Variants in KIAA2012 observed in about 807,000 individuals in gnomAD.
KIAA2012 encodes the protein uncharacterized protein KIAA2012.
A neutral mutation model predicts 150.6 loss-of-function variants in KIAA2012; 125 were observed. The observed-to-expected ratio is 0.83, with a 90% CI of 0.72 to 0.96. The LOEUF (loss-of-function observed/expected upper bound fraction) is 0.96. KIAA2012 is among the 40% of genes least tolerant of loss of function. The pLI, the probability that KIAA2012 is intolerant of heterozygous loss-of-function variation, is 0.00. For missense variants in KIAA2012, 1,219 were observed against 1,354.9 expected (o/e 0.90, Z 1.57); for synonymous variants, 462 against 504.7 (o/e 0.92, Z 1.13).
intron 12 of KIAA2012, among the ~76,000 whole-genome samples, chr2:202,134,795 T>TC (rs1443094942): frequency 6.6e-6 from 1 of 152,188 alleles, no homozygotes; most frequent in Admixed American, 6.5e-5. Context: ...CCTCAAGTGA[T>TC]CCGCCCGCCT....
chr2:202,168,431 A>AG (rs1003178146), intron 15 of KIAA2012, among the ~76,000 whole-genome samples: 15 of 150,732 alleles, frequency 1.0e-4, no homozygotes, highest in Admixed American at 1.3e-4. Flanking sequence ...AAAAAAAAAA[A>AG]AAAGAAAGAA....
At chr2:202,174,677 G>A (rs1280424588) in intron 15 of KIAA2012, among the ~76,000 whole-genome samples, 1 of 152,228 alleles carries the variant, frequency 6.6e-6, no homozygotes, top group Non-Finnish European at 1.5e-5. Flanking sequence ...CTTGGCCAGT[G>A]TTGTTCACCT....
intron 14 of KIAA2012, among the ~76,000 whole-genome samples, chr2:202,161,123 G>A (rs987899462): frequency 5.3e-5 from 8 of 152,164 alleles, no homozygotes; most frequent in East Asian, 3.9e-4. Flanking sequence ...TGAGGCTCAG[G>A]GGTTAAGTAA....
chr2:202,156,729 CA>C (rs1371019279), intron 14 of KIAA2012, among the ~76,000 whole-genome samples: 4 of 152,052 alleles, frequency 2.6e-5, no homozygotes, highest in African/African-American at 4.8e-5. Flanking sequence ...ACTAAAAATA[CA>C]AAAAATTAGC....
intron 22 of KIAA2012, 48 bp downstream of exon 22, chr2:202,197,067 C>T: frequency 1.6e-5 from 25 of 1,549,446 alleles, no homozygotes; most frequent in Non-Finnish European, 2.2e-5. Flanking sequence ...GGTTCAAGGG[C>T]TTCACTGTCC....
rs556576356 is a variant in KIAA2012 at position 202,094,672 on chromosome 2, C to T, written c.685+1487C>T. Among the ~76,000 whole-genome samples the T allele has an allele frequency of 9.2e-5, 14 of 152,176 alleles. No homozygotes were observed. The South Asian group carries it at 2.9e-3, about 32-fold the overall frequency. On this transcript the variant is annotated intron_variant, in intron 4 of 23. Transcript: ENST00000498697. ...TAGCTGGAACTGTAGGAGCACACCACCACTCCCAGCTAATTTTTGTATTTT... is the reference window on the plus strand; with the variant it reads ...TAGCTGGAACTGTAGGAGCACACCATCACTCCCAGCTAATTTTTGTATTTT...
chr2:202,191,207 G>A (rs544732456), intron 19 of KIAA2012, among the ~76,000 whole-genome samples: 15 of 151,274 alleles, frequency 9.9e-5, no homozygotes, highest in Admixed American at 5.3e-4. Flanking sequence ...AACCTGGGAG[G>A]CAGAGGTTGC....
Position 202,097,499 on chromosome 2 carries a change from C to A in KIAA2012, c.750C>A (p.Ala250=), listed in dbSNP as rs1437887672. The change falls in exon 5 of 24, where the codon GCC becomes GCA. Residue 250 remains alanine, a synonymous_variant. Transcript: ENST00000498697. ...GACACGTGGACCAGGGCCCTCTAGC[C>A]AAGAACCATGGCAGTCAGGGGACTC... is the stretch of plus-strand genomic sequence containing the variant. ...AAGHVDQGPL[A]KNHGSQGTRL... 6.4e-7 allele frequency: 1 copy of A among 1,550,444 alleles called. No individual in the cohort carries two copies. The highest frequency in any genetic ancestry group is 8.7e-7 in the Non-Finnish European group (1 of 1,146,962).
At chr2:202,164,363 G>C (rs1344500262) in intron 14 of KIAA2012, among the ~76,000 whole-genome samples, 1 of 152,188 alleles carries the variant, frequency 6.6e-6, no homozygotes, top group African/African-American at 2.4e-5. Context: ...CCAGCTGTAT[G>C]ACTGTTATTA....
At chr2:202,098,806 G>GTA (rs1689962502) in intron 5 of KIAA2012, among the ~76,000 whole-genome samples, 1 of 147,344 alleles carries the variant, frequency 6.8e-6, no homozygotes, top group Non-Finnish European at 1.5e-5. Context: ...GTGTGTGTGT[G>GTA]TGTGTGTGTG....
chr2:202,175,730 G>A (rs1691977507), intron 15 of KIAA2012, among the ~76,000 whole-genome samples: 1 of 152,178 alleles, frequency 6.6e-6, no homozygotes, highest in African/African-American at 2.4e-5. Context: ...TTGTTTCTAA[G>A]CTACCCAGTT....
chr2:202,191,589 C>T (rs1186191284), intron 19 of KIAA2012, among the ~76,000 whole-genome samples: 2 of 151,484 alleles, frequency 1.3e-5, no homozygotes, highest in Non-Finnish European at 3.0e-5. Context: ...AAGAAAATCC[C>T]TGCAACTAAC....
At chr2:202,145,834 G>A (rs1038359692) in intron 13 of KIAA2012, among the ~76,000 whole-genome samples, 2 of 151,696 alleles carry the variant, frequency 1.3e-5, no homozygotes, top group Non-Finnish European at 1.5e-5. Context: ...ACAGGCGCCC[G>A]TCACCACACC....
At position 202,150,457 on chromosome 2, in the gene KIAA2012, G is replaced by GTT. The variant is rs397987358; in HGVS notation, c.1909-4208_1909-4207dup. 3.1e-4 allele frequency among the ~76,000 whole-genome samples: 46 copies of GTT among 149,778 alleles called. 1 individual carries two copies. The highest frequency in any genetic ancestry group is 1.8e-3 in the East Asian group (9 of 5,124). On this transcript the variant is annotated intron_variant, in intron 13 of 23. Transcript: ENST00000498697. Reference sequence around the variant, plus strand: ...TGTTTTTTTGTTTTTTGTTTTTTGTGTTTTTTTTTGAGACAGAGTCTCGCT... The same window carrying GTT: ...TGTTTTTTTGTTTTTTGTTTTTTGTGTTTTTTTTTTTGAGACAGAGTCTCGCT...
At chr2:202,185,966 G>A (rs1692219071) in intron 16 of KIAA2012, among the ~76,000 whole-genome samples, 1 of 152,118 alleles carries the variant, frequency 6.6e-6, no homozygotes, top group African/African-American at 2.4e-5. Context: ...CGTGCTAGCA[G>A]AGCACAGTAA....
chr2:202,190,946 A>G (rs1228341774), intron 19 of KIAA2012, among the ~76,000 whole-genome samples: 4 of 152,154 alleles, frequency 2.6e-5, no homozygotes, highest in Admixed American at 2.0e-4. Context: ...TGCAGCTGGA[A>G]TAGAGAGAGG....
At chr2:202,151,136 C>T (rs530667925) in intron 13 of KIAA2012, among the ~76,000 whole-genome samples, 9 of 152,308 alleles carry the variant, frequency 5.9e-5, no homozygotes, top group African/African-American at 1.9e-4. Context: ...GTGGCTCACT[C>T]CTGTAATCTC....
intron 9 of KIAA2012, 47 bp downstream of exon 9, chr2:202,105,957 G>A (rs1690181083): frequency 2.6e-6 from 4 of 1,550,618 alleles, no homozygotes; most frequent in East Asian, 2.4e-5. Context: ...TCACTCTGAA[G>A]GGAAGCAAGG....
At chr2:202,170,384 G>GA (rs1691861857) in intron 15 of KIAA2012, among the ~76,000 whole-genome samples, 1 of 152,168 alleles carries the variant, frequency 6.6e-6, no homozygotes, top group African/African-American at 2.4e-5. Context: ...CTGTTAAGGG[G>GA]AAAAGCAGAA....
Sources: gnomAD v4.1 joint callset for allele counts (sites outside exome capture counted in the v4.1 genomes callset) on GRCh38, gnomAD v4.1.1 for gene constraint, MANE v1.5 for transcripts, NCBI Gene and HGNC (gene_info 2026-07-23, HGNC 2026-07-21) for gene names.